GALNT13: variants seen among roughly 807,000 people sequenced by gnomAD.
The protein encoded by GALNT13 is polypeptide N-acetylgalactosaminyltransferase 13.
Under a neutral mutation model 64.2 loss-of-function variants are expected in GALNT13, and 28 were observed. The ratio of observed to expected loss-of-function variants is 0.44; its 90% CI spans 0.32 to 0.60. The LOEUF (loss-of-function observed/expected upper bound fraction) is 0.60. Ranked by LOEUF, GALNT13 falls within the 20% of genes least tolerant of loss-of-function variation. The pLI is 0.05. For synonymous variants in GALNT13, 214 were observed against 224.6 expected (o/e 0.95, Z 0.42); for missense variants, 577 against 669.8 (o/e 0.86, Z 1.53).
At chr2:153,835,285 A>G in the GALNT13 span, among the ~76,000 whole-genome samples, 3 of 152,040 alleles carry the variant, frequency 2.0e-5, no homozygotes, top group Admixed American at 6.6e-5. Context: ...TTAATCTTAC[A>G]TGTTGTATCC....
chr2:154,058,693 G>A (rs145420858), intron 3 of GALNT13, among the ~76,000 whole-genome samples: 1 of 152,322 alleles, frequency 6.6e-6, no homozygotes, highest in East Asian at 1.9e-4. Context: ...TGTTTGAAGA[G>A]TTGCAAGGGG....
At chr2:153,175,785 C>G in the GALNT13 span, among the ~76,000 whole-genome samples, 2 of 152,096 alleles carry the variant, frequency 1.3e-5, no homozygotes, top group Non-Finnish European at 2.9e-5. Flanking sequence ...GAACCAGTTA[C>G]AGAGAGGAAA....
chr2:153,636,693 G>A, the GALNT13 span, among the ~76,000 whole-genome samples: 1 of 152,114 alleles, frequency 6.6e-6, no homozygotes, highest in South Asian at 2.1e-4. Context: ...AGTAGGGCCA[G>A]GGCTCTTACT....
chr2:153,601,294 A>G, the GALNT13 span, among the ~76,000 whole-genome samples: 1 of 151,710 alleles, frequency 6.6e-6, no homozygotes, highest in African/African-American at 2.4e-5. Context: ...CATATTCCTG[A>G]AACAGAGCTT....
intron 4 of GALNT13, among the ~76,000 whole-genome samples, chr2:154,147,335 AAT>A (rs1683668675): frequency 6.7e-6 from 1 of 149,752 alleles, no homozygotes; most frequent in Non-Finnish European, 1.5e-5. Flanking sequence ...ATTTGAATGG[AAT>A]ATATATATTT....
chr2:154,213,833 A>G (rs1367844120), intron 4 of GALNT13, among the ~76,000 whole-genome samples: 2 of 152,204 alleles, frequency 1.3e-5, no homozygotes, highest in Non-Finnish European at 2.9e-5. Context: ...TTTACCTAAA[A>G]TCAATTCTCA....
the GALNT13 span, among the ~76,000 whole-genome samples, chr2:153,570,740 C>A: frequency 6.6e-6 from 1 of 152,032 alleles, no homozygotes; most frequent in Non-Finnish European, 1.5e-5. Flanking sequence ...AGGTTATTGG[C>A]ACCTTTGTGG....
chr2:153,631,634 C>T, the GALNT13 span, among the ~76,000 whole-genome samples: 7 of 152,160 alleles, frequency 4.6e-5, no homozygotes, highest in Non-Finnish European at 8.8e-5. Flanking sequence ...TGTTCATATC[C>T]TTCACCCACT....
At chr2:153,420,931 C>T in the GALNT13 span, 1 of 189,662 alleles carries the variant, frequency 5.3e-6, no homozygotes, top group Non-Finnish European at 1.2e-5. Context: ...GCAGGTACCA[C>T]AGTGGGAAGC....
At chr2:153,095,350 T>C in the GALNT13 span, among the ~76,000 whole-genome samples, 2 of 152,158 alleles carry the variant, frequency 1.3e-5, no homozygotes. Flanking sequence ...TGCCATCTCA[T>C]ACCAGTTAGA....
intron 4 of GALNT13, among the ~76,000 whole-genome samples, chr2:154,188,707 CT>C (rs879712973): frequency 4.0e-5 from 6 of 151,742 alleles, no homozygotes; most frequent in Admixed American, 6.6e-5. Context: ...AGGATGTGAC[CT>C]TTTTTTTATT....
At chr2:153,298,106 C>T in the GALNT13 span, among the ~76,000 whole-genome samples, 17 of 152,092 alleles carry the variant, frequency 1.1e-4, no homozygotes, top group Non-Finnish European at 1.6e-4. Flanking sequence ...CTCCCAGGAC[C>T]GAAATTTTGT....
the GALNT13 span, among the ~76,000 whole-genome samples, chr2:153,453,614 C>G: frequency 6.6e-6 from 1 of 152,130 alleles, no homozygotes; most frequent in Non-Finnish European, 1.5e-5. Context: ...AGTCAAACAA[C>G]AGCAGATGCT....
the GALNT13 span, among the ~76,000 whole-genome samples, chr2:153,111,817 C>G: frequency 6.6e-6 from 1 of 152,192 alleles, no homozygotes; most frequent in African/African-American, 2.4e-5. Flanking sequence ...AATATAAGGA[C>G]TCTTGCTACA....
chr2:154,225,175 T>C (rs1022188170), intron 4 of GALNT13, among the ~76,000 whole-genome samples: 1 of 148,748 alleles, frequency 6.7e-6, no homozygotes, highest in Non-Finnish European at 1.5e-5. Flanking sequence ...GATAGATAGA[T>C]AGATAGATAG....
intron 10 of GALNT13, among the ~76,000 whole-genome samples, chr2:154,402,669 T>G (rs558401555): frequency 1.2e-3 from 183 of 152,344 alleles, no homozygotes; most frequent in African/African-American, 4.3e-3. Context: ...TTGTGAAGAA[T>G]TTTTAATGGA....
chr2:154,245,704 A>G, intron 6 of GALNT13, 108 bp from the exon 7 acceptor site: 1 of 711,408 alleles, frequency 1.4e-6, no homozygotes. Flanking sequence ...GGCATATTAA[A>G]GTAACAAAAT....
chr2:153,796,636 T>G, the GALNT13 span, among the ~76,000 whole-genome samples: 1 of 152,172 alleles, frequency 6.6e-6, no homozygotes, highest in Non-Finnish European at 1.5e-5. Context: ...AATACATGTA[T>G]CCAAAAAAAT....
chr2:153,232,563 C>T, the GALNT13 span, among the ~76,000 whole-genome samples: 1 of 152,184 alleles, frequency 6.6e-6, no homozygotes, highest in African/African-American at 2.4e-5. Context: ...TAAGGAAATT[C>T]ATTGATCTCT....
Sources: gnomAD v4.1 joint callset for allele counts (sites outside exome capture counted in the v4.1 genomes callset) on GRCh38, gnomAD v4.1.1 for gene constraint, MANE v1.5 for transcripts, NCBI Gene and HGNC (gene_info 2026-07-23, HGNC 2026-07-21) for gene names.